The following PRORP variants were observed in gnomAD, a reference collection of about 807,000 sequenced individuals.
PRORP encodes mitochondrial ribonuclease P catalytic subunit.
A neutral mutation model predicts 59.4 loss-of-function variants in PRORP; 51 were observed. That is an observed-to-expected ratio of 0.86 (90% CI 0.69 to 1.08). The LOEUF is 1.08. PRORP is among the 50% of genes least tolerant of loss of function. The pLI, the probability that PRORP is intolerant of heterozygous loss-of-function variation, is 0.00. For synonymous variants in PRORP, 231 were observed against 245.6 expected (o/e 0.94, Z 0.55); for missense variants, 646 against 690.3 (o/e 0.94, Z 0.72).
At chr14:35,226,072 A>G (rs966481382) in intron 5 of PRORP, among the ~76,000 whole-genome samples, 2 of 152,310 alleles carry the variant, frequency 1.3e-5, no homozygotes, top group East Asian at 3.9e-4. Context: ...TAGTTGGTAT[A>G]GATTCTAGCT....
At chr14:35,235,369 G>A (rs2050184889) in intron 5 of PRORP, 1 of 703,136 alleles carries the variant, frequency 1.4e-6, no homozygotes. Flanking sequence ...GTGTAAAGTT[G>A]ACAGTGGTGC....
intron 5 of PRORP, among the ~76,000 whole-genome samples, chr14:35,259,835 C>T (rs2050853572): frequency 6.6e-6 from 1 of 152,122 alleles, no homozygotes; most frequent in Admixed American, 6.6e-5. Context: ...GCGGAAGTTG[C>T]AGTGAGCCGA....
rs1345825494 is a variant in PRORP at position 35,262,455 on chromosome 14, G to A, written c.1276-4272G>A. The A allele has an allele frequency of 6.7e-6, 3 of 450,440 alleles. No homozygotes were observed. In the East Asian group the frequency reaches 1.5e-4, roughly 22 times the overall value. The allele number at this position is 450,440 out of a possible 1,614,324, so 27.9% of individuals were successfully genotyped here. On this transcript the variant is annotated intron_variant, in intron 5 of 7. Transcript: ENST00000534898. ...TAACTTTCTTTGCCATGTCTACTGA[G>A]AGAACGAAGACCATTCTCAGCAACC... is the stretch of plus-strand genomic sequence containing the variant.
At chr14:35,157,261 T>C (rs1342932361) in intron 4 of PRORP, among the ~76,000 whole-genome samples, 1 of 152,084 alleles carries the variant, frequency 6.6e-6, no homozygotes, top group African/African-American at 2.4e-5. Flanking sequence ...GGACGTTCAT[T>C]TTTTTCAAAA....
At chr14:35,227,694 T>G (rs2049970432) in intron 5 of PRORP, among the ~76,000 whole-genome samples, 1 of 152,156 alleles carries the variant, frequency 6.6e-6, no homozygotes, top group African/African-American at 2.4e-5. Flanking sequence ...CCAGTTTATA[T>G]CTTACAGCAA....
chr14:35,203,649 G>A (rs1275451817), intron 5 of PRORP, among the ~76,000 whole-genome samples: 1 of 152,188 alleles, frequency 6.6e-6, no homozygotes, highest in Non-Finnish European at 1.5e-5. Context: ...CGGATCACAA[G>A]GTCAGGAGAT....
Position 35,266,744 on chromosome 14 carries a change from T to C in PRORP, c.1293T>C (p.Ser431=). 6.2e-7 allele frequency: 1 copy of C among 1,613,974 alleles called. No individual in the cohort carries two copies. The highest frequency in any genetic ancestry group is 8.5e-7 in the Non-Finnish European group (1 of 1,179,942). Residue 431 remains serine (S), a synonymous_variant, in exon 6 of 8, where the codon TCT becomes TCC. Coordinates refer to ENST00000534898, the MANE Select transcript of PRORP (RefSeq NM_014672.4). ...TTTTTTAGCTCTTGAATGTCGTCTC[T>C]CAACTAGCCAAACGGAATCTGCGAC... The part of the protein sequence containing the change: ...RESQLLLNVV[S]QLAKRNLRLL...
intron 5 of PRORP, among the ~76,000 whole-genome samples, chr14:35,259,301 C>T (rs1034104811): frequency 1.3e-5 from 2 of 152,046 alleles, no homozygotes; most frequent in South Asian, 2.1e-4. Flanking sequence ...TGCTATATAA[C>T]TTTTTCCATC....
At chr14:35,219,354 T>C (rs141501409) in intron 5 of PRORP, 1 of 152,392 alleles carries the variant, frequency 6.6e-6, no homozygotes, top group East Asian at 1.9e-4. Context: ...TGGGGCCTTC[T>C]GCTGCCTTCC....
Position 35,127,599 on chromosome 14 carries a change from G to C in PRORP, c.1155G>C (p.Lys385Asn), listed in dbSNP as rs149121781. 1.1e-3 allele frequency: 1,796 copies of C among 1,614,032 alleles called. 3 individuals carry two copies. The highest frequency in any genetic ancestry group is 1.4e-3 in the Non-Finnish European group (1,710 of 1,179,968). The change falls in exon 4 of 8, where the codon AAG becomes AAC. Residue 385 changes from lysine (K) to asparagine (N), a missense_variant. Lys to Asn is a moderately conservative substitution (Grantham distance 94). Transcript: ENST00000534898. ...TAGATGGAGGTGACCAGTACAGAAA[G>C]ACAACACCTCAGGTGAGTCTAACAA... ...DVIDGGDQYR[K>N]TTPQELKRFE...
intron 5 of PRORP, among the ~76,000 whole-genome samples, chr14:35,238,539 G>A (rs1240879134): frequency 6.6e-6 from 1 of 152,154 alleles, no homozygotes. Context: ...AGTGATGACA[G>A]TGGAATCTAA....
chr14:35,219,088 C>T (rs746781088), intron 5 of PRORP: 1 of 152,260 alleles, frequency 6.6e-6, no homozygotes, highest in Non-Finnish European at 1.5e-5. Flanking sequence ...TACAGGAGAA[C>T]TTGGAAGTGT....
At chr14:35,182,805 A>AT (rs1358276551) in intron 5 of PRORP, among the ~76,000 whole-genome samples, 8 of 152,322 alleles carry the variant, frequency 5.3e-5, no homozygotes, top group African/African-American at 1.2e-4. Flanking sequence ...GAAGGATGAT[A>AT]TCAGTGCGAT....
intron 5 of PRORP, among the ~76,000 whole-genome samples, chr14:35,258,298 GT>G (rs972716427): frequency 2.0e-5 from 3 of 152,060 alleles, no homozygotes; most frequent in Admixed American, 2.0e-4. Flanking sequence ...GGCAAAATAT[GT>G]TTTTATTCTT....
In PRORP at chr14:35,204,024, T is replaced by G. The variant is rs74752973; in HGVS notation, c.1275+23247T>G. Among the ~76,000 whole-genome samples the G allele has an allele frequency of 8.4e-3, 1,279 of 152,350 alleles. 23 individuals carry two copies. The highest frequency in any genetic ancestry group is 0.06 in the South Asian group (291 of 4,830). ...CACTAAGTATGTACATATTGTATAG[T>G]TATCTTGAGCTTTGTATTTCACATA... On this transcript the variant is annotated intron_variant, in intron 5 of 7. Coordinates refer to ENST00000534898, the MANE Select transcript of PRORP (RefSeq NM_014672.4).
intron 4 of PRORP, among the ~76,000 whole-genome samples, chr14:35,138,206 C>A (rs2047414096): frequency 6.9e-6 from 1 of 145,006 alleles, no homozygotes; most frequent in Admixed American, 7.2e-5. Context: ...TATAAGGACA[C>A]CCATCAGATT....
chr14:35,153,073 C>G (rs1481943766), intron 4 of PRORP, among the ~76,000 whole-genome samples: 1 of 152,214 alleles, frequency 6.6e-6, no homozygotes, highest in Non-Finnish European at 1.5e-5. Flanking sequence ...TAGCCGAGAT[C>G]ACGCCACTGC....
At position 35,275,797 on chromosome 14, in the gene PRORP, TA is replaced by T. The variant is rs11294873; in HGVS notation, c.*2247del. The stretch of plus-strand genomic sequence containing the variant: ...GGCAACATAGCAAGACCCTGTCTCT[TA>T]AAAAAAAAAAAAAAAGACGGGAGAA... On this transcript the variant is annotated 3_prime_UTR_variant, in exon 8 of 8. Coordinates refer to ENST00000534898, the MANE Select transcript of PRORP (RefSeq NM_014672.4). 0.94 allele frequency: 131,919 copies of T among 139,846 alleles called. 62,474 individuals are homozygous for T. The highest frequency in any genetic ancestry group is 1 in the South Asian group (4,264 of 4,282). 8.7% of individuals were successfully genotyped at this position (139,846 alleles called of 1,614,324 possible).
At chr14:35,138,933 G>T (rs2047427646) in intron 4 of PRORP, among the ~76,000 whole-genome samples, 1 of 144,872 alleles carries the variant, frequency 6.9e-6, no homozygotes, top group South Asian at 2.3e-4. Flanking sequence ...TGGGACTACA[G>T]GTGCATACCA....
Sources: allele counts gnomAD v4.1 joint callset (sites outside exome capture counted in the v4.1 genomes callset), GRCh38; gene constraint gnomAD v4.1.1; transcripts MANE v1.5; gene names NCBI Gene and HGNC (gene_info 2026-07-23, HGNC 2026-07-21).